The following SAXO1 variants were observed in gnomAD, a reference collection of about 807,000 sequenced individuals.
SAXO1 encodes the protein stabilizer of axonemal microtubules 1, also known as 4930500O09Rik.
SAXO1 carries 21 observed loss-of-function variants against 17.5 expected under a neutral mutation model. The ratio of observed to expected loss-of-function variants is 1.20; its 90% CI spans 0.85 to 1.72. The LOEUF is 1.72. SAXO1 is among the 40% of genes most tolerant of loss of function. The pLI is 0.00. For synonymous variants in SAXO1, 274 were observed against 216.5 expected, an observed-to-expected ratio of 1.27 and a Z score of -2.33; for missense variants, 843 against 596.0, an observed-to-expected ratio of 1.41 and a Z score of -4.32.
chr9:18,971,257 G>GT (rs1563953029), intron 1 of SAXO1, among the ~76,000 whole-genome samples: 1 of 152,092 alleles, frequency 6.6e-6, no homozygotes, highest in East Asian at 1.9e-4. Flanking sequence ...TCCACTGCTC[G>GT]TAAGCTGCCA....
chr9:18,986,525 C>G (rs902660678), intron 1 of SAXO1, among the ~76,000 whole-genome samples: 3 of 151,450 alleles, frequency 2.0e-5, no homozygotes, highest in African/African-American at 7.3e-5. Context: ...TTTGCCACAG[C>G]AAATAAAATG....
At chr9:18,937,265 T>G (rs1453969022) in intron 3 of SAXO1, among the ~76,000 whole-genome samples, 1 of 152,212 alleles carries the variant, frequency 6.6e-6, no homozygotes, top group African/African-American at 2.4e-5. Flanking sequence ...CTTCTGCTCC[T>G]GGCCAGGACC....
intron 1 of SAXO1, chr9:19,027,369 G>C (rs1219820052): frequency 2.5e-5 from 19 of 774,628 alleles, no homozygotes; most frequent in African/African-American, 5.1e-5. Flanking sequence ...AGGCCACAGA[G>C]GTGGATGAGA....
At chr9:19,048,595 T>C (rs1318444492) in intron 1 of SAXO1, among the ~76,000 whole-genome samples, 2 of 152,242 alleles carry the variant, frequency 1.3e-5, no homozygotes. Context: ...TATTATGCTT[T>C]GAGAGGGGCA....
At chr9:18,997,704 T>C (rs1834066497) in intron 1 of SAXO1, among the ~76,000 whole-genome samples, 3 of 152,220 alleles carry the variant, frequency 2.0e-5, no homozygotes, top group Non-Finnish European at 4.4e-5. Flanking sequence ...GGGAGACACT[T>C]CCCAGTAGGG....
At chr9:19,026,657 A>G in intron 1 of SAXO1, among the ~76,000 whole-genome samples, 1 of 152,196 alleles carries the variant, frequency 6.6e-6, no homozygotes, top group East Asian at 1.9e-4. Flanking sequence ...ATGTTGAGGG[A>G]CCCACAGTAA....
intron 1 of SAXO1, among the ~76,000 whole-genome samples, chr9:19,003,371 T>G (rs1482229604): frequency 3.3e-5 from 5 of 152,210 alleles, no homozygotes; most frequent in African/African-American, 1.2e-4. Context: ...ATTGACTTTC[T>G]TCACAGAATT....
intron 1 of SAXO1, among the ~76,000 whole-genome samples, chr9:18,955,199 T>TA (rs1308071205): frequency 3.3e-5 from 5 of 151,994 alleles, no homozygotes; most frequent in African/African-American, 4.8e-5. Context: ...GTAGTATCTC[T>TA]AAAAAAAACT....
At chr9:19,028,749 T>C (rs1835625559) in intron 1 of SAXO1, among the ~76,000 whole-genome samples, 1 of 152,186 alleles carries the variant, frequency 6.6e-6, no homozygotes, top group South Asian at 2.1e-4. Context: ...CAGTAAAATA[T>C]GTCTGATTTT....
chr9:19,028,160 G>C (rs1835590224), intron 1 of SAXO1: 1 of 1,469,890 alleles, frequency 6.8e-7, no homozygotes. Flanking sequence ...CCCCGGACTC[G>C]CGGCTGAAGT....
chr9:18,972,569 A>AC (rs1832986129), intron 1 of SAXO1, among the ~76,000 whole-genome samples: 1 of 152,126 alleles, frequency 6.6e-6, no homozygotes, highest in Non-Finnish European at 1.5e-5. Context: ...AAAAAAACTC[A>AC]AAACCTGAGG....
At chr9:19,030,468 A>T (rs899629321) in intron 1 of SAXO1, among the ~76,000 whole-genome samples, 1 of 152,166 alleles carries the variant, frequency 6.6e-6, no homozygotes, top group African/African-American at 2.4e-5. Context: ...ACACTTTTGG[A>T]GGCCAAGGTA....
At chr9:18,968,036 G>A (rs377539837) in intron 1 of SAXO1, among the ~76,000 whole-genome samples, 201 of 152,286 alleles carry the variant, frequency 1.3e-3, no homozygotes, top group African/African-American at 4.0e-3. Context: ...TGGGTGAGGC[G>A]ACGCCCCACC....
intron 1 of SAXO1, among the ~76,000 whole-genome samples, chr9:19,011,567 C>T (rs528008389): frequency 6.6e-6 from 1 of 152,308 alleles, no homozygotes; most frequent in Middle Eastern, 3.4e-3. Context: ...AGTCAACATC[C>T]TATCGGCAAA....
intron 1 of SAXO1, among the ~76,000 whole-genome samples, chr9:18,971,391 AT>A: frequency 6.6e-6 from 1 of 152,132 alleles, no homozygotes; most frequent in Non-Finnish European, 1.5e-5. Flanking sequence ...GCTAATCTAT[AT>A]TTTCTGTCTC....
At chr9:19,029,694 G>A (rs913140238) in intron 1 of SAXO1, among the ~76,000 whole-genome samples, 25 of 152,144 alleles carry the variant, frequency 1.6e-4, no homozygotes, top group Admixed American at 1.2e-3. Context: ...TGCATGTGCC[G>A]GTATGGGAGT....
chr9:18,991,150 C>T (rs559053629), intron 1 of SAXO1, among the ~76,000 whole-genome samples: 12 of 152,124 alleles, frequency 7.9e-5, no homozygotes, highest in East Asian at 1.9e-4. Context: ...CCCAGCTGCT[C>T]GAGAGGCTGA....
At chr9:18,994,234 G>C (rs1246651166) in intron 1 of SAXO1, among the ~76,000 whole-genome samples, 3 of 152,124 alleles carry the variant, frequency 2.0e-5, no homozygotes, top group East Asian at 3.9e-4. Context: ...GGGTGTGTTT[G>C]TGTACGTGTG....
intron 1 of SAXO1, among the ~76,000 whole-genome samples, chr9:19,009,876 A>C (rs990091938): frequency 4.6e-5 from 7 of 151,418 alleles, no homozygotes; most frequent in Non-Finnish European, 7.4e-5. Flanking sequence ...ACCCAGGCTA[A>C]AGTGCAGTGG....
Sources: gnomAD v4.1 joint callset for allele counts (sites outside exome capture counted in the v4.1 genomes callset) on GRCh38, gnomAD v4.1.1 for gene constraint, MANE v1.5 for transcripts, NCBI Gene and HGNC (gene_info 2026-07-23, HGNC 2026-07-21) for gene names.